Variants in MTSS2 observed in about 807,000 individuals in gnomAD.
The protein encoded by MTSS2 is protein MTSS 2.
A neutral mutation model predicts 67.1 loss-of-function variants in MTSS2; 27 were observed. That is an observed-to-expected ratio of 0.40 (90% confidence interval 0.30 to 0.55). MTSS2 has a LOEUF of 0.55. MTSS2 is among the 20% of genes least tolerant of loss of function. MTSS2 has a pLI of 0.43. For missense variants in MTSS2, 1,171 were observed against 1,067.8 expected (o/e 1.10, Z -1.35); for synonymous variants, 624 against 468.6 (o/e 1.33, Z -4.28).
In MTSS2 at chr16:70,674,333, C is replaced by T. The variant is rs3813906; in HGVS notation, c.1026G>A (p.Ser342=). ...GGCTGGTGATGTCTGAAGGCATAGGCGAGGGGGGCTTGGAGTAGGTGGCGT... is the reference window on the plus strand; with the variant it reads ...GGCTGGTGATGTCTGAAGGCATAGGTGAGGGGGGCTTGGAGTAGGTGGCGT... ...SQDATYSKPP[S]PMPSDITSQK... Residue 342 remains serine, a synonymous_variant, in exon 11 of 15, where the codon TCG becomes TCA. Coordinates refer to ENST00000338779, the MANE Select transcript of MTSS2 (RefSeq NM_138383.3). 108 of 1,613,818 alleles carry T rather than the reference C, an allele frequency of 6.7e-5. 1 individual carries two copies. In the East Asian group the frequency reaches 7.1e-4, roughly 11 times the overall value.
intron 7 of MTSS2, among the ~76,000 whole-genome samples, chr16:70,679,080 G>A (rs550042645): frequency 6.6e-6 from 1 of 152,234 alleles, no homozygotes; most frequent in South Asian, 2.1e-4. Flanking sequence ...ATCCCGCCCT[G>A]GCCAACCCCT....
chr16:70,679,397 GA>G, intron 6 of MTSS2, 74 bp from the exon 7 acceptor site: 4 of 1,581,770 alleles, frequency 2.5e-6, no homozygotes, highest in Non-Finnish European at 3.5e-6. Flanking sequence ...CGGATGGACA[GA>G]GCCACTCCTG....
chr16:70,679,935 CCCCCGCCCCCCT>C (rs1351566183), intron 4 of MTSS2, 24 bp downstream of exon 4: 1 of 1,496,034 alleles, frequency 6.7e-7, no homozygotes, highest in Non-Finnish European at 8.9e-7. Flanking sequence ...ACGCCCCGTC[CCCCCGCCCCCCT>C]GCCCGCCCGC....
chr16:70,667,815 A>G (rs544047507), intron 11 of MTSS2, among the ~76,000 whole-genome samples: 2 of 151,966 alleles, frequency 1.3e-5, no homozygotes, highest in Admixed American at 1.3e-4. Context: ...TGAGGTTGCA[A>G]TGAGCTGAGA....
intron 1 of MTSS2, among the ~76,000 whole-genome samples, chr16:70,681,234 G>A (rs567610024): frequency 4.6e-5 from 7 of 152,202 alleles, no homozygotes; most frequent in Non-Finnish European, 8.8e-5. Flanking sequence ...CCCTGGGAAC[G>A]GGCGCCTTTG....
At chr16:70,685,696 C>A (rs745978489) in intron 1 of MTSS2, 27 bp downstream of exon 1, 5 of 1,274,472 alleles carry the variant, frequency 3.9e-6, no homozygotes, top group African/African-American at 1.6e-5. Flanking sequence ...CGTCGCCGCG[C>A]GCCCGGCCCC....
At chr16:70,672,980 G>A (rs143108581) in intron 11 of MTSS2, among the ~76,000 whole-genome samples, 3,484 of 152,208 alleles carry the variant, frequency 0.023, 142 homozygotes, top group African/African-American at 0.078. Flanking sequence ...GGGCAACATG[G>A]CAAAATGTTG....
At position 70,676,899 on chromosome 16, in the gene MTSS2, C is replaced by A. The variant is rs773962039; in HGVS notation, c.812G>T (p.Arg271Leu). 10 of 1,613,448 alleles carry A rather than the reference C, an allele frequency of 6.2e-6. No individual in the cohort carries two copies. In the South Asian group the frequency reaches 8.8e-5, roughly 14 times the overall value. The change falls in exon 10 of 15, where the codon CGG becomes CTG. Residue 271 changes from arginine to leucine, a missense_variant. By Grantham distance (102) the Arg-to-Leu change is moderately radical (BLOSUM62 -2). Around this residue, in one of 2 missense-constraint regions of MTSS2, gnomAD observed 924 missense variants for 756.0 expected, o/e 1.22. Coordinates refer to ENST00000338779, the MANE Select transcript of MTSS2 (RefSeq NM_138383.3). ...PPSSPSSSSSRKSSMCSAPSS... is the reference protein window; with the variant it reads ...PPSSPSSSSSLKSSMCSAPSS... ...CACTGACCTGCACATGCTGGACTTC[C>A]GGGAGCTGGAGCTGCTGGGTGATGA...
chr16:70,680,917 G>GCCC, intron 2 of MTSS2, 47 bp downstream of exon 2: 1 of 1,168,268 alleles, frequency 8.6e-7, no homozygotes, highest in Non-Finnish European at 1.2e-6. Context: ...GCGGGGGGGG[G>GCCC]GCCTCTGCCT....
chr16:70,680,052 G>A lies in MTSS2; in HGVS notation c.209C>T (p.Ala70Val), dbSNP rs2142899889. 2.0e-6 allele frequency: 3 copies of A among 1,521,944 alleles called. No individual in the cohort carries two copies. The highest frequency in any genetic ancestry group is 2.6e-5 in the East Asian group (1 of 38,118). The allele number at this position is 1,521,944 out of a possible 1,614,324, so 94.3% of individuals were successfully genotyped here. Residue 70 changes from alanine (A) to valine (V), a missense_variant, in exon 4 of 15, where the codon GCC (alanine) becomes GTC (valine). Physicochemically the swap from Ala to Val is moderately conservative, Grantham distance 64. Transcript: ENST00000338779. ...VADMATNTRG[A>V]TRDIGSALTR... is the part of the protein sequence containing the mutation. ...GAGCGCCGAGCCGATGTCCCTCGTG[G>A]CCCCTGGCGAGGCAAGCGCGGGGTG... is the stretch of plus-strand genomic sequence containing the variant.
rs1555507669 is a variant in MTSS2 at position 70,663,035 on chromosome 16, C to CA, written c.*641dup. On this transcript the variant is annotated 3_prime_UTR_variant, in exon 15 of 15. Coordinates refer to ENST00000338779, the MANE Select transcript of MTSS2 (RefSeq NM_138383.3). ...ACAGGGCCCCCAAGACCCCCCCCCC[C>CA]AAGCAGCCCCTGGTTTCCTCCCTGA... The CA allele has an allele frequency of 1.3e-5, 2 of 151,614 alleles. No homozygotes were observed. Among genetic ancestry groups the CA allele is most frequent in the Non-Finnish European group, 2.9e-5 (2 of 68,158 alleles). The allele number at this position is 151,614 out of a possible 1,614,324, so 9.4% of individuals were successfully genotyped here. A position where few individuals can be genotyped will look rare whatever the true frequency, so the allele number is the denominator to read the frequency against.
chr16:70,677,917 C>T lies in MTSS2; in HGVS notation c.625-18G>A. On this transcript the variant is annotated intron_variant, in intron 8 of 14. Transcript: ENST00000338779. ...TCTCCATTCTGAGGAAGCAGCGAGT[C>T]AGACCTGCTGGCCCTATCGCCCACC... 1 of 1,559,202 alleles carries T rather than the reference C, an allele frequency of 6.4e-7. No individual in the cohort carries two copies. Among genetic ancestry groups the T allele is most frequent in the Admixed American group, 1.9e-5 (1 of 52,258 alleles).
chr16:70,685,572 G>T, intron 1 of MTSS2, 151 bp downstream of exon 1: 2 of 316,420 alleles, frequency 6.3e-6, no homozygotes, highest in Non-Finnish European at 9.7e-6. Context: ...GGAGACACGG[G>T]CGCCCAGCAG....
Position 70,685,980 on chromosome 16 carries a change from G to A in MTSS2, c.-189C>T, listed in dbSNP as rs1309339750. ...GCCTCCGGCGGGCGGCGCGGGCCAT[G>A]TCGCAGCGGGGCTGGCGGGCGGCGC... On this transcript the variant is annotated 5_prime_UTR_variant, in exon 1 of 15. Transcript: ENST00000338779. The A allele has an allele frequency of 6.6e-6, 1 of 151,312 alleles. No homozygotes were observed. Among genetic ancestry groups the A allele is most frequent in the Non-Finnish European group, 1.4e-5 (1 of 70,162 alleles). The allele number at this position is 151,312 out of a possible 1,614,324, so 9.4% of individuals were successfully genotyped here.
At chr16:70,678,658 C>T (rs2053198868) in intron 7 of MTSS2, among the ~76,000 whole-genome samples, 1 of 152,232 alleles carries the variant, frequency 6.6e-6, no homozygotes, top group South Asian at 2.1e-4. Flanking sequence ...TGGATTGGGG[C>T]ATCTCCGGGG....
intron 11 of MTSS2, among the ~76,000 whole-genome samples, chr16:70,673,827 G>C (rs2053020899): frequency 6.6e-6 from 1 of 152,086 alleles, no homozygotes; most frequent in Admixed American, 6.5e-5. Flanking sequence ...AGGTGGGGTT[G>C]TGTTAAGTAT....
intron 4 of MTSS2, 23 bp from the exon 5 acceptor site, chr16:70,679,900 C>A: frequency 6.3e-7 from 1 of 1,574,908 alleles, no homozygotes; most frequent in South Asian, 1.1e-5. Flanking sequence ...GGCGGGAGCG[C>A]AGGTCAGGGC....
chr16:70,664,006 T>A lies in MTSS2; in HGVS notation c.1915A>T (p.Ser639Cys), dbSNP rs1487485103. 6.2e-7 allele frequency: 1 copy of A among 1,600,634 alleles called. No individual in the cohort carries two copies. The highest frequency in any genetic ancestry group is 8.5e-7 in the Non-Finnish European group (1 of 1,174,706). The change falls in exon 15 of 15, where the codon AGC becomes TGC. Residue 639 changes from serine to cysteine, a missense_variant. This residue lies in a region of MTSS2 where 924 missense variants were observed against 756.0 expected (regional missense o/e 1.22). Transcript: ENST00000338779. ...CTGCCCCAGGCTGTGTTGGGCAGGC[T>A]GAGCCTCTTTGGGGAGGCCTTGGCG... ...DLAKASPKRL[S>C]LPNTAWGSPS...
Position 70,664,101 on chromosome 16 carries a change from G to A in MTSS2, c.1820C>T (p.Pro607Leu), listed in dbSNP as rs1408853647. 2 of 1,611,864 alleles carry A rather than the reference G, an allele frequency of 1.2e-6. No homozygotes were observed. The highest frequency in any genetic ancestry group is 1.7e-6 in the Non-Finnish European group (2 of 1,179,698). Residue 607 changes from proline to leucine, a missense_variant, in exon 15 of 15, where the codon CCC (proline) becomes CTC (leucine). Pro to Leu is a moderately conservative substitution (Grantham distance 98, BLOSUM62 -3). Around this residue, in one of 2 missense-constraint regions of MTSS2, gnomAD observed 924 missense variants for 756.0 expected, o/e 1.22. Transcript: ENST00000338779. ...TVPDSPGYMG[P>L]TRAGSEECVF... is the part of the protein sequence containing the mutation. ...GCACTCCTCACTGCCCGCCCGTGTG[G>A]GCCCCATGTAGCCGGGGGAGTCAGG...
Sources: gnomAD v4.1 joint callset for allele counts (sites outside exome capture counted in the v4.1 genomes callset) on GRCh38, gnomAD v4.1.1 for gene constraint, gnomAD v4.1.1 regional missense constraint, MANE v1.5 for transcripts, NCBI Gene and HGNC (gene_info 2026-07-23, HGNC 2026-07-21) for gene names.